The following NCOA2 variants were observed in gnomAD, a reference collection of about 807,000 sequenced individuals.
The protein encoded by NCOA2 is nuclear receptor coactivator 2.
A neutral mutation model predicts 145.1 loss-of-function variants in NCOA2; 21 were observed. That is an observed-to-expected ratio of 0.14 (90% confidence interval 0.10 to 0.21). The LOEUF is 0.21. Ranked by LOEUF, NCOA2 falls within the 10% of genes least tolerant of loss-of-function variation. The probability of loss-of-function intolerance (pLI) is 1.00; values close to 1 mark genes in which losing one functional copy is unlikely to be tolerated. For missense variants in NCOA2, 1,472 were observed against 1,837.6 expected, an observed-to-expected ratio of 0.80 and a Z score of 3.64; for synonymous variants, 619 against 637.5, an observed-to-expected ratio of 0.97 and a Z score of 0.44.
intron 2 of NCOA2, among the ~76,000 whole-genome samples, chr8:70,221,568 G>A (rs150361518): frequency 3.3e-5 from 5 of 152,268 alleles, no homozygotes; most frequent in African/African-American, 1.2e-4. Context: ...GCCAAACTTG[G>A]GAAGTCAGTA....
intron 1 of NCOA2, among the ~76,000 whole-genome samples, chr8:70,351,440 C>A (rs1809197660): frequency 6.6e-6 from 1 of 152,054 alleles, no homozygotes; most frequent in African/African-American, 2.4e-5. Flanking sequence ...AAGAAAATTT[C>A]TATAAAGATT....
At chr8:70,363,904 C>T (rs1303686509) in intron 1 of NCOA2, among the ~76,000 whole-genome samples, 1 of 151,638 alleles carries the variant, frequency 6.6e-6, no homozygotes, top group Admixed American at 6.6e-5. Context: ...AAGAAGATGC[C>T]GGCCATCCTC....
rs968720362 is a variant in NCOA2 at position 70,270,847 on chromosome 8, A to C, written c.-20+25897T>G. ...ACAGACATTAATATTGTCTGTTGAA[A>C]TAAATATGTTTGCATAGTTATTTTA... On this transcript the variant is annotated intron_variant, in intron 2 of 22. Transcript: ENST00000452400. 5.9e-5 allele frequency among the ~76,000 whole-genome samples: 9 copies of C among 152,338 alleles called. No individual in the cohort carries two copies. In the South Asian group the frequency reaches 1.7e-3, roughly 28 times the overall value.
intron 1 of NCOA2, among the ~76,000 whole-genome samples, chr8:70,356,447 C>G (rs1202744821): frequency 2.0e-5 from 3 of 152,174 alleles, no homozygotes; most frequent in South Asian, 2.1e-4. Flanking sequence ...TCCTAAGGAA[C>G]CATGAATTAT....
chr8:70,453,217 C>G, the NCOA2 span, among the ~76,000 whole-genome samples: 2 of 152,168 alleles, frequency 1.3e-5, no homozygotes, highest in Non-Finnish European at 2.9e-5. Flanking sequence ...ACTTTTGTGG[C>G]AAGACTTCCC....
rs183167310 is a variant in NCOA2 at position 70,218,262 on chromosome 8, T to C, written c.-19-1498A>G. On this transcript the variant is annotated intron_variant, in intron 2 of 22. Transcript: ENST00000452400. ...AGAATGAAGAAATACTGTATCCGTT[T>C]AGGGAGGCTGCACCACTGGTACACA... Among the ~76,000 whole-genome samples the C allele has an allele frequency of 1.8e-3, 266 of 151,536 alleles. 1 individual carries two copies. Among genetic ancestry groups the C allele is most frequent in the African/African-American group, 6.3e-3 (258 of 41,206 alleles).
At chr8:70,347,287 C>T (rs940278463) in intron 1 of NCOA2, among the ~76,000 whole-genome samples, 5 of 151,986 alleles carry the variant, frequency 3.3e-5, no homozygotes, top group Admixed American at 3.3e-4. Flanking sequence ...GAGTTCGAGA[C>T]CAGCCGGGCC....
chr8:70,227,075 G>A (rs1820714157), intron 2 of NCOA2, among the ~76,000 whole-genome samples: 1 of 152,150 alleles, frequency 6.6e-6, no homozygotes, highest in Non-Finnish European at 1.5e-5. Flanking sequence ...TCTTTCCCAG[G>A]AGAGGGTCCA....
chr8:70,128,290 C>T (rs573003926), intron 18 of NCOA2, 143 bp downstream of exon 18: 1 of 663,832 alleles, frequency 1.5e-6, no homozygotes, highest in African/African-American at 1.8e-5. Context: ...ATATAACACA[C>T]TAGTAGGTAA....
chr8:70,226,483 A>T (rs1054741745), intron 2 of NCOA2, among the ~76,000 whole-genome samples: 1 of 152,112 alleles, frequency 6.6e-6, no homozygotes, highest in African/African-American at 2.4e-5. Context: ...TACTGTACTA[A>T]GTGGCACAAA....
At chr8:70,415,462 C>A in the NCOA2 span, among the ~76,000 whole-genome samples, 11 of 152,102 alleles carry the variant, frequency 7.2e-5, no homozygotes, top group African/African-American at 2.7e-4. Context: ...CCTAAGAAAA[C>A]CCTTAGAATA....
chr8:70,197,824 T>C (rs530981561), intron 4 of NCOA2, among the ~76,000 whole-genome samples: 13 of 138,544 alleles, frequency 9.4e-5, no homozygotes, highest in Non-Finnish European at 1.9e-4. Context: ...TGCTTTCACA[T>C]TTTCTCTAAA....
chr8:70,325,586 A>G, intron 1 of NCOA2, among the ~76,000 whole-genome samples: 1 of 152,028 alleles, frequency 6.6e-6, no homozygotes, highest in East Asian at 1.9e-4. Flanking sequence ...TAATTTTTGT[A>G]AAGATGGGAT....
chr8:70,384,780 C>A (rs890234629), intron 1 of NCOA2, among the ~76,000 whole-genome samples: 5 of 152,142 alleles, frequency 3.3e-5, no homozygotes, highest in Non-Finnish European at 5.9e-5. Context: ...GTCAGGTTCA[C>A]CTTCAACCAC....
intron 1 of NCOA2, among the ~76,000 whole-genome samples, chr8:70,322,848 C>T (rs1806202041): frequency 6.6e-6 from 1 of 151,962 alleles, no homozygotes; most frequent in Non-Finnish European, 1.5e-5. Flanking sequence ...AATAATATAG[C>T]CAAAAAAGTG....
chr8:70,139,052 C>T (rs1810071044), intron 14 of NCOA2, among the ~76,000 whole-genome samples: 1 of 152,250 alleles, frequency 6.6e-6, no homozygotes, highest in Admixed American at 6.5e-5. Context: ...AACTGTACTT[C>T]AGCTGGCTCC....
the NCOA2 span, among the ~76,000 whole-genome samples, chr8:70,427,468 AAAGCAGTT>A: frequency 2.3e-5 from 3 of 132,874 alleles, no homozygotes; most frequent in East Asian, 7.1e-4. Context: ...TCTCTATTTA[AAAGCAGTT>A]AAATTTCCTC....
the NCOA2 span, among the ~76,000 whole-genome samples, chr8:70,453,541 T>C: frequency 6.6e-6 from 1 of 152,266 alleles, no homozygotes; most frequent in Non-Finnish European, 1.5e-5. Flanking sequence ...CCTAGTCTGT[T>C]CATAAGTAGA....
the NCOA2 span, among the ~76,000 whole-genome samples, chr8:70,437,806 CA>C: frequency 6.9e-4 from 105 of 152,234 alleles, no homozygotes; most frequent in Admixed American, 1.4e-3. Flanking sequence ...ATTAGTTTGA[CA>C]ACATAATCAT....
Sources: allele counts gnomAD v4.1 joint callset (sites outside exome capture counted in the v4.1 genomes callset), GRCh38; gene constraint gnomAD v4.1.1; transcripts MANE v1.5; gene names NCBI Gene and HGNC (gene_info 2026-07-23, HGNC 2026-07-21).